The following PDE3A variants were observed in gnomAD, a reference collection of about 807,000 sequenced individuals.
PDE3A encodes the protein cGMP-inhibited 3',5'-cyclic phosphodiesterase 3A.
PDE3A carries 43 observed loss-of-function variants against 98.3 expected under a neutral mutation model. The ratio of observed to expected loss-of-function variants is 0.44; its 90% CI spans 0.34 to 0.56. The LOEUF (loss-of-function observed/expected upper bound fraction) is 0.56. PDE3A is among the 20% of genes least tolerant of loss of function. The pLI is 0.01. For synonymous variants in PDE3A, 663 were observed against 567.9 expected (o/e 1.17, Z -2.38); for missense variants, 1,427 against 1,440.7 (o/e 0.99, Z 0.15).
intron 1 of PDE3A, among the ~76,000 whole-genome samples, chr12:20,399,732 C>T (rs1286145269): frequency 6.6e-6 from 1 of 152,076 alleles, no homozygotes; most frequent in African/African-American, 2.4e-5. Context: ...CTTTTTGGAA[C>T]TAATGAAACT....
At chr12:20,628,370 T>A (rs979561364) in intron 5 of PDE3A, among the ~76,000 whole-genome samples, 1 of 152,186 alleles carries the variant, frequency 6.6e-6, no homozygotes, top group African/African-American at 2.4e-5. Flanking sequence ...GTCTTTTTAA[T>A]AGACGTAGAA....
At chr12:20,509,626 C>CTT (rs1189353674) in intron 1 of PDE3A, among the ~76,000 whole-genome samples, 6 of 151,986 alleles carry the variant, frequency 3.9e-5, no homozygotes, top group Non-Finnish European at 1.5e-5. Context: ...TCTCTGCCTA[C>CTT]TTTTTTGTTT....
At chr12:20,576,072 G>A (rs1470471495) in intron 2 of PDE3A, among the ~76,000 whole-genome samples, 1 of 151,902 alleles carries the variant, frequency 6.6e-6, no homozygotes, top group Non-Finnish European at 1.5e-5. Context: ...ATATAGGTAT[G>A]CAATTCGTAA....
chr12:20,601,820 T>C (rs983384320), intron 2 of PDE3A, among the ~76,000 whole-genome samples: 2 of 152,096 alleles, frequency 1.3e-5, no homozygotes, highest in African/African-American at 4.8e-5. Context: ...AATGAGGCAG[T>C]AGCACTTGTT....
intron 1 of PDE3A, among the ~76,000 whole-genome samples, chr12:20,502,666 T>G (rs1039645064): frequency 1.5e-4 from 23 of 152,128 alleles, no homozygotes; most frequent in African/African-American, 4.6e-4. Flanking sequence ...AAAAAGAAGT[T>G]TTAACATCAT....
At chr12:20,508,658 T>C (rs1452272795) in intron 1 of PDE3A, among the ~76,000 whole-genome samples, 1 of 152,010 alleles carries the variant, frequency 6.6e-6, no homozygotes, top group Non-Finnish European at 1.5e-5. Context: ...GAAAGCAGCC[T>C]AGATGAAGCG....
intron 1 of PDE3A, among the ~76,000 whole-genome samples, chr12:20,376,143 A>T (rs1454490465): frequency 1.3e-5 from 2 of 151,916 alleles, no homozygotes; most frequent in Non-Finnish European, 2.9e-5. Context: ...GATTGTATTT[A>T]TGTCGAGTTA....
At chr12:20,534,105 C>G (rs952667170) in intron 1 of PDE3A, among the ~76,000 whole-genome samples, 1 of 152,142 alleles carries the variant, frequency 6.6e-6, no homozygotes, top group African/African-American at 2.4e-5. Context: ...TCAAGCCACA[C>G]GTTATGCAGC....
intron 14 of PDE3A, among the ~76,000 whole-genome samples, chr12:20,652,524 G>A (rs1254770504): frequency 6.6e-6 from 1 of 152,180 alleles, no homozygotes; most frequent in African/African-American, 2.4e-5. Flanking sequence ...GGCCAGTGAT[G>A]ATGAGCATTT....
chr12:20,500,103 C>T (rs1019389670), intron 1 of PDE3A, among the ~76,000 whole-genome samples: 5 of 152,142 alleles, frequency 3.3e-5, no homozygotes, highest in Non-Finnish European at 5.9e-5. Context: ...TTCTTTTTCA[C>T]TCTGTTGAAA....
chr12:20,650,760 C>T (rs980511693), intron 14 of PDE3A, among the ~76,000 whole-genome samples, 160 bp downstream of exon 14: 5 of 151,972 alleles, frequency 3.3e-5, no homozygotes, highest in South Asian at 2.1e-4. Context: ...CAAAAAGTGA[C>T]GTATAAAAAT....
At chr12:20,575,373 A>T (rs1424752002) in intron 2 of PDE3A, among the ~76,000 whole-genome samples, 1 of 152,070 alleles carries the variant, frequency 6.6e-6, no homozygotes, top group Non-Finnish European at 1.5e-5. Context: ...ATTAATTAAG[A>T]TTAAGCTGTA....
intron 1 of PDE3A, among the ~76,000 whole-genome samples, chr12:20,401,648 C>T: frequency 6.6e-6 from 1 of 152,144 alleles, no homozygotes; most frequent in East Asian, 1.9e-4. Flanking sequence ...CTACCTGCTT[C>T]ACGATGTGTT....
chr12:20,495,148 A>G (rs531351925), intron 1 of PDE3A, among the ~76,000 whole-genome samples: 2 of 152,184 alleles, frequency 1.3e-5, no homozygotes, highest in Non-Finnish European at 2.9e-5. Context: ...GCCTGTTTGA[A>G]ATGTGTTCAA....
At chr12:20,511,161 T>C (rs1946213697) in intron 1 of PDE3A, among the ~76,000 whole-genome samples, 1 of 152,074 alleles carries the variant, frequency 6.6e-6, no homozygotes, top group Non-Finnish European at 1.5e-5. Context: ...AGGCTTCATG[T>C]TGATACAAGT....
At chr12:20,480,513 A>C (rs1463716137) in intron 1 of PDE3A, among the ~76,000 whole-genome samples, 1 of 152,244 alleles carries the variant, frequency 6.6e-6, no homozygotes, top group Non-Finnish European at 1.5e-5. Flanking sequence ...TTTCTCAAAG[A>C]AATAAAATAT....
At chr12:20,516,195 C>A (rs6487100) in intron 1 of PDE3A, among the ~76,000 whole-genome samples, 42,636 of 151,898 alleles carry the variant, frequency 0.28, 6,928 homozygotes, top group East Asian at 0.55. Flanking sequence ...GATTCTTACT[C>A]AGACTCATTC....
chr12:20,546,651 T>G (rs1391253318), intron 1 of PDE3A, among the ~76,000 whole-genome samples: 1 of 152,094 alleles, frequency 6.6e-6, no homozygotes, highest in Non-Finnish European at 1.5e-5. Context: ...AAAAACCGTG[T>G]GCTCGTCAGA....
At chr12:20,578,681 A>G (rs11045314) in intron 2 of PDE3A, among the ~76,000 whole-genome samples, 34,261 of 151,944 alleles carry the variant, frequency 0.23, 3,962 homozygotes, top group South Asian at 0.34. Context: ...TTAAATTATT[A>G]TTATTAGATC....
Sources: gnomAD v4.1 joint callset for allele counts (sites outside exome capture counted in the v4.1 genomes callset) on GRCh38, gnomAD v4.1.1 for gene constraint, MANE v1.5 for transcripts, NCBI Gene and HGNC (gene_info 2026-07-23, HGNC 2026-07-21) for gene names.